The following RAB6A variants were observed in gnomAD, a reference collection of about 807,000 sequenced individuals.
The protein encoded by RAB6A is ras-related protein Rab-6A.
In RAB6A, 8 loss-of-function variants were observed where a neutral mutation model predicts 32.3. That is an observed-to-expected ratio of 0.25 (90% CI 0.15 to 0.45). The LOEUF (loss-of-function observed/expected upper bound fraction) is 0.45, where lower values mean the gene tolerates loss of function less well. Among genes scored for constraint, RAB6A ranks in the 20% least tolerant of loss-of-function variants. The pLI is 1.00. For synonymous variants in RAB6A, 73 were observed against 82.1 expected, an observed-to-expected ratio of 0.89 and a Z score of 0.60; for missense variants, 104 against 249.4, an observed-to-expected ratio of 0.42 and a Z score of 3.93.
intron 1 of RAB6A, among the ~76,000 whole-genome samples, chr11:73,740,192 T>G (rs1025857459): frequency 2.0e-5 from 3 of 152,180 alleles, no homozygotes; most frequent in African/African-American, 7.2e-5. Flanking sequence ...AATTAGATAT[T>G]TATATTTTTT....
At chr11:73,714,611 G>A (rs1282133620) in intron 5 of RAB6A, among the ~76,000 whole-genome samples, 1 of 151,594 alleles carries the variant, frequency 6.6e-6, no homozygotes, top group African/African-American at 2.4e-5. Flanking sequence ...GCAGTGAGCC[G>A]AGATCGCGCC....
At chr11:73,693,653 A>G (rs1007492126) in intron 6 of RAB6A, among the ~76,000 whole-genome samples, 59 of 151,264 alleles carry the variant, frequency 3.9e-4, no homozygotes, top group African/African-American at 1.4e-3. Context: ...TGGGAGCCCA[A>G]GGCAGGAGAT....
intron 5 of RAB6A, among the ~76,000 whole-genome samples, chr11:73,709,746 GGT>G (rs1431755197): frequency 1.3e-5 from 2 of 148,642 alleles, no homozygotes; most frequent in African/African-American, 4.9e-5. Context: ...CATTCCTCCT[GGT>G]TTAAATCTTT....
At chr11:73,714,209 A>AAAAAAAAAAATAT (rs35864471) in intron 5 of RAB6A, among the ~76,000 whole-genome samples, 1 of 57,578 alleles carries the variant, frequency 1.7e-5, no homozygotes, top group Non-Finnish European at 3.4e-5. Context: ...AAAAAAAAAA[A>AAAAAAAAAAATAT]ATATATATAT....
chr11:73,694,718 T>G (rs1945629198), intron 6 of RAB6A, among the ~76,000 whole-genome samples: 1 of 151,914 alleles, frequency 6.6e-6, no homozygotes, highest in South Asian at 2.1e-4. Flanking sequence ...GAAAATTAAT[T>G]TAAAAATATA....
intron 6 of RAB6A, among the ~76,000 whole-genome samples, chr11:73,690,048 G>A (rs1945525327): frequency 6.6e-6 from 1 of 152,170 alleles, no homozygotes. Flanking sequence ...GGCAGAAAGG[G>A]TAAAAGCCTA....
At chr11:73,728,336 G>C (rs899763405) in intron 2 of RAB6A, among the ~76,000 whole-genome samples, 2 of 152,026 alleles carry the variant, frequency 1.3e-5, no homozygotes, top group African/African-American at 2.4e-5. Context: ...TTCCTAGCTT[G>C]TTGTTGTATG....
Position 73,739,281 on chromosome 11 carries a change from A to AT in RAB6A, c.71-8459_71-8458insA, listed in dbSNP as rs1565374050. On this transcript the variant is annotated intron_variant, in intron 1 of 7. Coordinates refer to ENST00000336083, the MANE Select transcript of RAB6A (RefSeq NM_198896.2). Reference sequence around the variant, plus strand: ...TAATAATTAAAAAAAAAAAAAAAAAAAAAATATATATATATATATATATAA... The same window carrying AT: ...TAATAATTAAAAAAAAAAAAAAAAAATAAAATATATATATATATATATATAA... Among the ~76,000 whole-genome samples, 120 of 42,320 alleles carry AT rather than the reference A, an allele frequency of 2.8e-3. 1 individual carries two copies. The highest frequency in any genetic ancestry group is 7.2e-3 in the African/African-American group (104 of 14,374). 27.8% of individuals were successfully genotyped at this position (42,320 alleles called of 152,430 possible).
intron 1 of RAB6A, among the ~76,000 whole-genome samples, chr11:73,753,169 G>A (rs1475224277): frequency 1.3e-5 from 2 of 152,136 alleles, no homozygotes; most frequent in Non-Finnish European, 2.9e-5. Flanking sequence ...AGGATCACTT[G>A]AGCCCAGGAG....
At chr11:73,737,727 A>G (rs1000974588) in intron 1 of RAB6A, among the ~76,000 whole-genome samples, 17 of 151,692 alleles carry the variant, frequency 1.1e-4, no homozygotes, top group African/African-American at 3.9e-4. Flanking sequence ...GGGCATGGTG[A>G]CTCACGCCTG....
rs111815031 is a variant in RAB6A at position 73,736,809 on chromosome 11, G to A, written c.71-5986C>T. ...TTCATCTCGAGAAAGAAAAAAAAAA[G>A]AAAAAAAAAAAAAAAAACAATTAGC... On this transcript the variant is annotated intron_variant, in intron 1 of 7. Coordinates refer to ENST00000336083, the MANE Select transcript of RAB6A (RefSeq NM_198896.2). 6.5e-3 allele frequency among the ~76,000 whole-genome samples: 705 copies of A among 108,630 alleles called. 1 individual carries two copies. The highest frequency in any genetic ancestry group is 0.058 in the Middle Eastern group (9 of 154). The allele number at this position is 108,630 out of a possible 152,430, so 71.3% of individuals were successfully genotyped here.
chr11:73,724,422 G>C (rs1000424496), intron 2 of RAB6A, among the ~76,000 whole-genome samples: 6 of 151,892 alleles, frequency 4.0e-5, no homozygotes, highest in Admixed American at 3.9e-4. Flanking sequence ...TATGCAGCTA[G>C]GTAGTACTAT....
At chr11:73,738,343 C>CTACA (rs1318584073) in intron 1 of RAB6A, among the ~76,000 whole-genome samples, 7 of 152,050 alleles carry the variant, frequency 4.6e-5, no homozygotes, top group Non-Finnish European at 1.5e-5. Flanking sequence ...TGCCACTGAA[C>CTACA]TACACACTTA....
chr11:73,680,087 G>A (rs1027363748), intron 6 of RAB6A, among the ~76,000 whole-genome samples: 4 of 152,140 alleles, frequency 2.6e-5, no homozygotes, highest in Non-Finnish European at 4.4e-5. Context: ...AACAGGGCGA[G>A]ACTCTGTCTT....
At chr11:73,700,609 T>TGGGGG (rs59223959) in intron 6 of RAB6A, among the ~76,000 whole-genome samples, 12 of 28,624 alleles carry the variant, frequency 4.2e-4, no homozygotes, top group African/African-American at 1.2e-3. Context: ...AGTGTGTGTG[T>TGGGGG]GGGGGGGGGG....
chr11:73,695,018 A>C (rs1945634457), intron 6 of RAB6A, among the ~76,000 whole-genome samples: 1 of 152,132 alleles, frequency 6.6e-6, no homozygotes, highest in South Asian at 2.1e-4. Context: ...GTGTCTCAAA[A>C]AATAAAAAAA....
chr11:73,739,284 A>AATAT (rs1555066941), intron 1 of RAB6A, among the ~76,000 whole-genome samples: 10 of 6,746 alleles, frequency 1.5e-3, no homozygotes, highest in Admixed American at 3.5e-3. Context: ...AAAAAAAAAA[A>AATAT]ATATATATAT....
chr11:73,758,661 C>T (rs904712452), intron 1 of RAB6A, among the ~76,000 whole-genome samples: 4 of 152,162 alleles, frequency 2.6e-5, no homozygotes, highest in African/African-American at 7.2e-5. Flanking sequence ...AAGTTAAGCA[C>T]TCCATTCATG....
At chr11:73,722,325 ATATATATATATATATATATTTTTTTTTT>A (rs1232462983) in intron 2 of RAB6A, 2 of 17,706 alleles carry the variant, frequency 1.1e-4, no homozygotes, top group Admixed American at 8.1e-4. Context: ...ATATATATAT[ATATATATATATATATATATTTTTTTTTT>A]TTTTTTTTTT....
Sources: gnomAD v4.1 joint callset for allele counts (sites outside exome capture counted in the v4.1 genomes callset) on GRCh38, gnomAD v4.1.1 for gene constraint, MANE v1.5 for transcripts, NCBI Gene and HGNC (gene_info 2026-07-23, HGNC 2026-07-21) for gene names.